CNOT6: variants seen among roughly 807,000 people sequenced by gnomAD.
The protein encoded by CNOT6 is carbon catabolite repression 4 protein.
In CNOT6, 12 loss-of-function variants were observed where a neutral mutation model predicts 61.2. The ratio of observed to expected loss-of-function variants is 0.20; its 90% CI spans 0.13 to 0.32. The LOEUF (loss-of-function observed/expected upper bound fraction) is 0.32. CNOT6 is among the 10% of genes least tolerant of loss of function. The probability of loss-of-function intolerance (pLI) is 1.00; values close to 1 mark genes in which losing one functional copy is unlikely to be tolerated. For synonymous variants in CNOT6, 225 were observed against 240.6 expected (o/e 0.94, Z 0.60); for missense variants, 405 against 663.9 (o/e 0.61, Z 4.28).
At position 180,551,425 on chromosome 5, in the gene CNOT6, T is replaced by G. The variant is rs539104849; in HGVS notation, c.299+1308T>G. Among the ~76,000 whole-genome samples, 48 of 152,276 alleles carry G rather than the reference T, an allele frequency of 3.2e-4. 2 individuals are homozygous for G. The highest frequency in any genetic ancestry group is 1.4e-3 in the Admixed American group (22 of 15,286). Reference sequence around the variant, plus strand: ...ATTGCTATGTTTATTTTGATAGAGATGAGGGTCTCACTATGTTGCCCAGGC... The same window carrying G: ...ATTGCTATGTTTATTTTGATAGAGAGGAGGGTCTCACTATGTTGCCCAGGC... On this transcript the variant is annotated intron_variant, in intron 3 of 11. Coordinates refer to ENST00000261951, the MANE Select transcript of CNOT6 (RefSeq NM_001370472.1).
At chr5:180,504,345 G>C (rs1757029588) in intron 1 of CNOT6, among the ~76,000 whole-genome samples, 1 of 152,114 alleles carries the variant, frequency 6.6e-6, no homozygotes. Context: ...GTTTTAAGGG[G>C]AAAAGACTAG....
intron 1 of CNOT6, among the ~76,000 whole-genome samples, chr5:180,523,830 C>G (rs960303802): frequency 6.6e-6 from 1 of 152,116 alleles, no homozygotes; most frequent in African/African-American, 2.4e-5. Flanking sequence ...GGTATACGTG[C>G]AGGCCGCTCT....
chr5:180,565,633 C>G (rs80324045), intron 6 of CNOT6, among the ~76,000 whole-genome samples, 187 bp from the exon 7 acceptor site: 1 of 152,186 alleles, frequency 6.6e-6, no homozygotes, highest in Admixed American at 6.5e-5. Flanking sequence ...AACTTGTTCA[C>G]TTATCTATCC....
intron 2 of CNOT6, among the ~76,000 whole-genome samples, chr5:180,539,659 G>A (rs1338717229): frequency 4.1e-5 from 5 of 122,042 alleles, no homozygotes; most frequent in Non-Finnish European, 3.2e-5. Context: ...GTGTGATCTC[G>A]GCTTACTGCA....
At chr5:180,572,413 T>A (rs1338856452) in intron 11 of CNOT6, among the ~76,000 whole-genome samples, 6 of 151,822 alleles carry the variant, frequency 4.0e-5, no homozygotes, top group African/African-American at 1.5e-4. Context: ...TGGTCTTGAA[T>A]ACCTGGCCTC....
chr5:180,543,801 T>C (rs1759164495), intron 2 of CNOT6, among the ~76,000 whole-genome samples: 1 of 152,178 alleles, frequency 6.6e-6, no homozygotes, highest in Non-Finnish European at 1.5e-5. Context: ...AGTTTGAAGA[T>C]TTATTTTTAA....
Position 180,576,734 on chromosome 5 carries a change from G to A in CNOT6, c.*2534G>A, listed in dbSNP as rs763557293. 1 of 152,044 alleles carries A rather than the reference G, an allele frequency of 6.6e-6. No homozygotes were observed. The highest frequency in any genetic ancestry group is 1.5e-5 in the Non-Finnish European group (1 of 68,000). The allele number at this position is 152,044 out of a possible 1,614,324, so 9.4% of individuals were successfully genotyped here. A position where few individuals can be genotyped will look rare whatever the true frequency, so the allele number is the denominator to read the frequency against. ...GACTATGATGCTTTTGTTAAGAAAG[G>A]TTTCATGTTTTAGATATTTTCCGTG... On this transcript the variant is annotated 3_prime_UTR_variant, in exon 12 of 12. Transcript: ENST00000261951.
chr5:180,498,306 C>T (rs1180948208), intron 1 of CNOT6, among the ~76,000 whole-genome samples: 1 of 152,168 alleles, frequency 6.6e-6, no homozygotes, highest in Admixed American at 6.5e-5. Context: ...AGTGTTTTAA[C>T]ACTGAGAATT....
chr5:180,576,838 C>A lies in CNOT6; in HGVS notation c.*2638C>A, dbSNP rs1373204638. The A allele has an allele frequency of 6.6e-6, 1 of 151,496 alleles. No homozygotes were observed. Among genetic ancestry groups the A allele is most frequent in the Non-Finnish European group, 1.5e-5 (1 of 67,846 alleles). The allele number at this position is 151,496 out of a possible 1,614,324, so 9.4% of individuals were successfully genotyped here. A position where few individuals can be genotyped will look rare whatever the true frequency, so the allele number is the denominator to read the frequency against. ...TGTTTTCACGGTGTATATTTTTTTT[C>A]AAAAATTCTGTAACAAATATATTTA... On this transcript the variant is annotated 3_prime_UTR_variant, in exon 12 of 12. Transcript: ENST00000261951.
Position 180,576,601 on chromosome 5 carries a change from T to TA in CNOT6, c.*2402dup, listed in dbSNP as rs1362347746. 1 of 152,590 alleles carries TA rather than the reference T, an allele frequency of 6.6e-6. No homozygotes were observed. The highest frequency in any genetic ancestry group is 2.4e-5 in the African/African-American group (1 of 41,460). The allele number at this position is 152,590 out of a possible 1,614,324, so 9.5% of individuals were successfully genotyped here. On this transcript the variant is annotated 3_prime_UTR_variant, in exon 12 of 12. Coordinates refer to ENST00000261951, the MANE Select transcript of CNOT6 (RefSeq NM_001370472.1). The stretch of plus-strand genomic sequence containing the variant: ...ATCAGTTTGAACAGCTTCTCCACCT[T>TA]ATTTGGACAGTGATAAATTGAACCA...
chr5:180,539,516 T>C (rs1356485013), intron 2 of CNOT6, among the ~76,000 whole-genome samples: 3 of 148,628 alleles, frequency 2.0e-5, no homozygotes, highest in Non-Finnish European at 4.4e-5. Flanking sequence ...ATTAAAATAA[T>C]TTTTTTGGGA....
intron 4 of CNOT6, 47 bp from the exon 5 acceptor site, chr5:180,564,442 C>A: frequency 7.7e-7 from 1 of 1,299,292 alleles, no homozygotes; most frequent in East Asian, 2.3e-5. Flanking sequence ...AATTTTGAAA[C>A]ATTTTATTAC....
At chr5:180,531,118 C>T (rs1758345334) in intron 2 of CNOT6, among the ~76,000 whole-genome samples, 1 of 130,470 alleles carries the variant, frequency 7.7e-6, no homozygotes, top group East Asian at 2.2e-4. Flanking sequence ...GGCAGAGGGG[C>T]TCCTCACTTC....
chr5:180,534,597 G>C (rs1191741837), intron 2 of CNOT6: 1 of 155,242 alleles, frequency 6.4e-6, no homozygotes, highest in African/African-American at 2.4e-5. Context: ...TGCGCAAGAA[G>C]TTGGCCTCAG....
intron 1 of CNOT6, among the ~76,000 whole-genome samples, chr5:180,513,448 C>T (rs1757490016): frequency 6.6e-6 from 1 of 152,022 alleles, no homozygotes; most frequent in Non-Finnish European, 1.5e-5. Context: ...CTCATTGCAA[C>T]CTCCGCCTCC....
In CNOT6 at chr5:180,575,339, T is replaced by G. The variant is rs1218933750; in HGVS notation, c.*1139T>G. On this transcript the variant is annotated 3_prime_UTR_variant, in exon 12 of 12. Transcript: ENST00000261951. ...GTTATAGGGTGAGTCCCTGGATCTT[T>G]GCTCACCAGATCCAAGCACTGCTTC... 2.0e-5 allele frequency: 3 copies of G among 152,112 alleles called. No individual in the cohort carries two copies. Among genetic ancestry groups the G allele is most frequent in the Non-Finnish European group, 4.4e-5 (3 of 68,030 alleles). The allele number at this position is 152,112 out of a possible 1,614,324, so 9.4% of individuals were successfully genotyped here. A position where few individuals can be genotyped will look rare whatever the true frequency, so the allele number is the denominator to read the frequency against.
At chr5:180,542,439 AT>A (rs1336885385) in intron 2 of CNOT6, among the ~76,000 whole-genome samples, 2 of 151,742 alleles carry the variant, frequency 1.3e-5, no homozygotes, top group Non-Finnish European at 2.9e-5. Flanking sequence ...TAATTTTTTT[AT>A]TTTTAGTAGA....
chr5:180,513,599 C>T (rs892653626), intron 1 of CNOT6, among the ~76,000 whole-genome samples: 3 of 151,828 alleles, frequency 2.0e-5, no homozygotes, highest in African/African-American at 7.3e-5. Context: ...GTCTTGAACT[C>T]CTGACCTCGT....
At chr5:180,536,257 C>G (rs1212328612) in intron 2 of CNOT6, among the ~76,000 whole-genome samples, 1 of 151,834 alleles carries the variant, frequency 6.6e-6, no homozygotes, top group Non-Finnish European at 1.5e-5. Context: ...CCTTGGCCTC[C>G]CAAAGTGCTG....
Sources: gnomAD v4.1 joint callset for allele counts (sites outside exome capture counted in the v4.1 genomes callset) on GRCh38, gnomAD v4.1.1 for gene constraint, MANE v1.5 for transcripts, NCBI Gene and HGNC (gene_info 2026-07-23, HGNC 2026-07-21) for gene names.